CSMD2: variants seen among roughly 807,000 people sequenced by gnomAD.
CSMD2 encodes the protein CUB and Sushi multiple domains 2, also known as CUB and sushi domain-containing protein 2.
Under a neutral mutation model 398.5 loss-of-function variants are expected in CSMD2, and 130 were observed. The ratio of observed to expected loss-of-function variants is 0.33; its 90% CI spans 0.28 to 0.38. The LOEUF is 0.38. CSMD2 is among the 10% of genes least tolerant of loss of function. The pLI, the probability that CSMD2 is intolerant of heterozygous loss-of-function variation, is 1.00. For missense variants in CSMD2, 3,829 were observed against 4,764.9 expected (o/e 0.80, Z 5.78); for synonymous variants, 1,828 against 1,908.5 (o/e 0.96, Z 1.10).
At chr1:33,854,719 C>T (rs902400951) in intron 5 of CSMD2, among the ~76,000 whole-genome samples, 2 of 152,226 alleles carry the variant, frequency 1.3e-5, no homozygotes, top group African/African-American at 2.4e-5. Flanking sequence ...ATTATCAGAA[C>T]TCTTTCTTGC....
intron 4 of CSMD2, among the ~76,000 whole-genome samples, chr1:33,924,852 T>C (rs116010514): frequency 0.016 from 2,475 of 152,318 alleles, 71 homozygotes; most frequent in African/African-American, 0.056. Flanking sequence ...TTGAAAAATG[T>C]CTATTCATGT....
At chr1:33,716,941 T>A (rs980391657) in intron 19 of CSMD2, among the ~76,000 whole-genome samples, 14 of 152,230 alleles carry the variant, frequency 9.2e-5, no homozygotes, top group African/African-American at 3.4e-4. Flanking sequence ...TGCTGAGTGC[T>A]GGAATGAATG....
chr1:33,592,765 C>T (rs140512454), intron 44 of CSMD2, among the ~76,000 whole-genome samples: 1,534 of 152,070 alleles, frequency 0.01, 14 homozygotes, highest in Non-Finnish European at 0.014. Flanking sequence ...CTGGCTAACA[C>T]GGTGAAACCC....
intron 5 of CSMD2, among the ~76,000 whole-genome samples, chr1:33,905,096 T>TG (rs1643006790): frequency 6.6e-6 from 1 of 152,158 alleles, no homozygotes; most frequent in Non-Finnish European, 1.5e-5. Context: ...CATGCCACTG[T>TG]GCCCAGCGAT....
At chr1:33,970,563 GGAAAGATCA>G in intron 3 of CSMD2, among the ~76,000 whole-genome samples, 1 of 152,300 alleles carries the variant, frequency 6.6e-6, no homozygotes, top group Admixed American at 6.5e-5. Flanking sequence ...CTTCCTGGCA[GGAAAGATCA>G]GATGCCCACT....
chr1:34,029,606 C>T (rs1376149144), intron 3 of CSMD2, among the ~76,000 whole-genome samples: 3 of 152,222 alleles, frequency 2.0e-5, no homozygotes, highest in African/African-American at 7.2e-5. Context: ...AATTAATGAG[C>T]TTCAGTGATA....
chr1:34,037,183 C>T (rs1169671246), intron 2 of CSMD2, among the ~76,000 whole-genome samples: 1 of 152,140 alleles, frequency 6.6e-6, no homozygotes, highest in Non-Finnish European at 1.5e-5. Context: ...GACAGTACGC[C>T]AGTCCTCCAT....
intron 20 of CSMD2, among the ~76,000 whole-genome samples, chr1:33,715,637 C>T (rs1360312710): frequency 6.6e-6 from 1 of 152,170 alleles, no homozygotes; most frequent in Non-Finnish European, 1.5e-5. Context: ...AGCTGGATAC[C>T]TCTTGTCCAT....
chr1:33,951,003 C>G (rs895435331), intron 3 of CSMD2, among the ~76,000 whole-genome samples: 2 of 152,184 alleles, frequency 1.3e-5, no homozygotes. Flanking sequence ...CATCCAGAAC[C>G]TTGGGTGTTT....
chr1:33,577,260 A>T, intron 49 of CSMD2, 36 bp downstream of exon 49: 1 of 1,561,298 alleles, frequency 6.4e-7, no homozygotes. Flanking sequence ...GTTGGATCCG[A>T]GCTACCTTGT....
At position 33,563,633 on chromosome 1, in the gene CSMD2, T is replaced by TTTG. The variant is rs201220076; in HGVS notation, c.8380+3957_8380+3959dup. 8.5e-3 allele frequency among the ~76,000 whole-genome samples: 1,301 copies of TTTG among 152,246 alleles called. 21 individuals carry two copies. Among genetic ancestry groups the TTTG allele is most frequent in the African/African-American group, 0.029 (1,213 of 41,494 alleles). On this transcript the variant is annotated intron_variant, in intron 53 of 70. Coordinates refer to ENST00000373381, the MANE Select transcript of CSMD2 (RefSeq NM_001281956.2). ...ACAGAATTTCAGAGGACTCAAGATA[T>TTTG]TTGTTCAAGGGTCACAGTTTCTAAA... is the stretch of plus-strand genomic sequence containing the variant.
At chr1:33,524,297 A>G (rs1308009713) in intron 66 of CSMD2, among the ~76,000 whole-genome samples, 1 of 152,198 alleles carries the variant, frequency 6.6e-6, no homozygotes, top group Admixed American at 6.5e-5. Flanking sequence ...AACAGCCTTT[A>G]TTCATAAATG....
chr1:33,669,974 T>C (rs1339690979), intron 25 of CSMD2, among the ~76,000 whole-genome samples: 1 of 152,178 alleles, frequency 6.6e-6, no homozygotes, highest in African/African-American at 2.4e-5. Context: ...AGAGGGATCT[T>C]GGCCCATTGA....
rs368342090 is a variant in CSMD2, at chr1:33,931,095, C to T, written c.712+4665G>A. Among the ~76,000 whole-genome samples, 22 of 152,362 alleles carry T rather than the reference C, an allele frequency of 1.4e-4. No individual in the cohort carries two copies. The Middle Eastern group carries it at 0.014, about 94-fold the overall frequency. On this transcript the variant is annotated intron_variant, in intron 4 of 70. Coordinates refer to ENST00000373381, the MANE Select transcript of CSMD2 (RefSeq NM_001281956.2). ...TAACCCAGGCTAGTAATTTCCCTTT[C>T]GGGCTTGTATGCTAGCATGATTCTG...
intron 10 of CSMD2, among the ~76,000 whole-genome samples, chr1:33,806,576 A>G (rs1189281295): frequency 6.6e-6 from 1 of 152,200 alleles, no homozygotes; most frequent in Non-Finnish European, 1.5e-5. Context: ...ACAGAATCAA[A>G]TTTGCAAAAA....
rs758153354 is a variant in CSMD2, at chr1:33,605,361, A to G, written c.6453T>C (p.Tyr2151=). The G allele has an allele frequency of 1.2e-6, 2 of 1,614,150 alleles. No homozygotes were observed. The highest frequency in any genetic ancestry group is 1.3e-5 in the African/African-American group (1 of 75,036). ...TGAGGACAGGGTGGCCAGTCAATTG[A>G]TACCCCGGGAGGCACTCGAAGGTCA... ...QSVTFECLPG[Y]QLTGHPVLTC... is the part of the protein sequence containing the mutation. Residue 2151 remains tyrosine (Y), a synonymous_variant, in exon 42 of 71, where the codon TAT becomes TAC. Coordinates refer to ENST00000373381, the MANE Select transcript of CSMD2 (RefSeq NM_001281956.2).
At chr1:33,975,833 C>T (rs1042100096) in intron 3 of CSMD2, among the ~76,000 whole-genome samples, 8 of 152,166 alleles carry the variant, frequency 5.3e-5, no homozygotes, top group Non-Finnish European at 8.8e-5. Context: ...GCTCTGCTTC[C>T]CTCTTGATAG....
intron 5 of CSMD2, among the ~76,000 whole-genome samples, chr1:33,860,232 G>C (rs527915859): frequency 7.0e-4 from 106 of 152,294 alleles, no homozygotes; most frequent in African/African-American, 2.5e-3. Context: ...CTTCCAATCT[G>C]CATCAGTTTC....
chr1:33,834,118 A>AGG, intron 6 of CSMD2, among the ~76,000 whole-genome samples: 1 of 99,768 alleles, frequency 1.0e-5, no homozygotes, highest in South Asian at 4.3e-4. Flanking sequence ...TGAAGCTACC[A>AGG]ATGCCTTTCT....
Sources: allele counts gnomAD v4.1 joint callset (sites outside exome capture counted in the v4.1 genomes callset), GRCh38; gene constraint gnomAD v4.1.1; transcripts MANE v1.5; gene names NCBI Gene and HGNC (gene_info 2026-07-23, HGNC 2026-07-21).